The following SLCO6A1 variants were observed in gnomAD, a reference collection of about 807,000 sequenced individuals.
The protein encoded by SLCO6A1 is solute carrier organic anion transporter family member 6A1.
A neutral mutation model predicts 72.7 loss-of-function variants in SLCO6A1; 65 were observed. That is an observed-to-expected ratio of 0.89 (90% CI 0.73 to 1.10). SLCO6A1 has a LOEUF of 1.10. Ranked by LOEUF, SLCO6A1 falls within the 50% of genes least tolerant of loss-of-function variation. SLCO6A1 has a pLI of 0.00. For missense variants in SLCO6A1, 874 were observed against 872.6 expected (o/e 1.00, Z -0.02); for synonymous variants, 314 against 298.2 (o/e 1.05, Z -0.55).
rs141699909 is a variant in SLCO6A1, at chr5:102,444,077, G to A, written c.1132-5316C>T. Among the ~76,000 whole-genome samples, 318 of 152,260 alleles carry A rather than the reference G, an allele frequency of 2.1e-3. 3 individuals carry two copies. The highest frequency in any genetic ancestry group is 7.3e-3 in the African/African-American group (302 of 41,544). Reference sequence around the variant, plus strand: ...AGTTAGGCTAGGTACTCCTACATGTGCTTACTTAGTAAGAGTCTGAAATAA... The same window carrying A: ...AGTTAGGCTAGGTACTCCTACATGTACTTACTTAGTAAGAGTCTGAAATAA... On this transcript the variant is annotated intron_variant, in intron 6 of 13. Coordinates refer to ENST00000506729, the MANE Select transcript of SLCO6A1 (RefSeq NM_173488.5).
intron 7 of SLCO6A1, among the ~76,000 whole-genome samples, chr5:102,425,587 A>C (rs1748848792): frequency 6.6e-6 from 1 of 151,350 alleles, no homozygotes; most frequent in Non-Finnish European, 1.5e-5. Context: ...TTCTTCAAGG[A>C]GAACTACAAA....
chr5:102,398,033 A>G (rs1747193116), intron 10 of SLCO6A1, among the ~76,000 whole-genome samples: 1 of 152,068 alleles, frequency 6.6e-6, no homozygotes, highest in South Asian at 2.1e-4. Context: ...TATTGTACTG[A>G]TCATCTTCAG....
In SLCO6A1 at chr5:102,480,372, T is replaced by A; in HGVS notation, c.421A>T (p.Thr141Ser). 6.2e-7 allele frequency: 1 copy of A among 1,613,494 alleles called. No homozygotes were observed. Among genetic ancestry groups the A allele is most frequent in the Non-Finnish European group, 8.5e-7 (1 of 1,179,712 alleles). The stretch of plus-strand genomic sequence containing the variant: ...TTTTCCAATGCCAACTTCTCAATGG[T>A]TTTCAGTTGATATTCCTTCTGAAAA... ...GDFQKEYQLK[T>S]IEKLALEKSY... Residue 141 changes from threonine to serine, a missense_variant, in exon 2 of 14, where the codon ACC becomes TCC. Thr to Ser is a moderately conservative substitution (Grantham distance 58). Transcript: ENST00000506729.
chr5:102,432,086 C>T (rs535488500), intron 7 of SLCO6A1, among the ~76,000 whole-genome samples: 22 of 151,924 alleles, frequency 1.4e-4, no homozygotes, highest in East Asian at 1.2e-3. Flanking sequence ...AGTTTCCATT[C>T]GCTTGGTAGA....
At chr5:102,422,098 T>C (rs1181142810) in intron 7 of SLCO6A1, among the ~76,000 whole-genome samples, 3 of 152,030 alleles carry the variant, frequency 2.0e-5, no homozygotes, top group Non-Finnish European at 4.4e-5. Context: ...AAGATGCCCA[T>C]GCAAAAACCC....
intron 4 of SLCO6A1, among the ~76,000 whole-genome samples, chr5:102,463,340 A>G (rs1751141217): frequency 6.6e-6 from 1 of 152,220 alleles, no homozygotes; most frequent in African/African-American, 2.4e-5. Context: ...AACTAGTACG[A>G]TCACTATGGA....
chr5:102,454,406 T>C (rs1257670094), intron 6 of SLCO6A1, among the ~76,000 whole-genome samples: 2 of 152,248 alleles, frequency 1.3e-5, no homozygotes, highest in African/African-American at 4.8e-5. Context: ...AGTTTCAAAA[T>C]AGTTGTTGAC....
chr5:102,495,392 G>C (rs893315317), intron 1 of SLCO6A1, among the ~76,000 whole-genome samples: 15 of 152,186 alleles, frequency 9.9e-5, no homozygotes, highest in Middle Eastern at 3.2e-3. Flanking sequence ...TCAGGAGTTT[G>C]AGACCAGCCT....
At chr5:102,409,969 T>C (rs1268050723) in intron 9 of SLCO6A1, among the ~76,000 whole-genome samples, 1 of 152,020 alleles carries the variant, frequency 6.6e-6, no homozygotes, top group Non-Finnish European at 1.5e-5. Context: ...AAAAATAAAA[T>C]GAAGGAGAGG....
At chr5:102,457,247 CA>C (rs1253910136) in intron 6 of SLCO6A1, among the ~76,000 whole-genome samples, 3 of 150,306 alleles carry the variant, frequency 2.0e-5, no homozygotes, top group Non-Finnish European at 4.4e-5. Flanking sequence ...CCAAAATTGA[CA>C]AATGGGATCT....
intron 4 of SLCO6A1, among the ~76,000 whole-genome samples, chr5:102,469,073 T>C (rs1751460953): frequency 6.6e-6 from 1 of 152,184 alleles, no homozygotes; most frequent in South Asian, 2.1e-4. Flanking sequence ...CCTTGTAGTA[T>C]AGTTTGAAGT....
intron 4 of SLCO6A1, among the ~76,000 whole-genome samples, chr5:102,464,416 T>C (rs1751209171): frequency 6.6e-6 from 1 of 151,936 alleles, no homozygotes; most frequent in African/African-American, 2.4e-5. Context: ...TGAACCAATA[T>C]AAAAATAAGA....
intron 5 of SLCO6A1, 145 bp downstream of exon 5, chr5:102,459,511 T>C: frequency 1.1e-6 from 1 of 869,814 alleles, no homozygotes; most frequent in Non-Finnish European, 1.7e-6. Flanking sequence ...ACACTAGCAC[T>C]TGACACTGTA....
chr5:102,399,152 C>T (rs145025638), intron 10 of SLCO6A1, among the ~76,000 whole-genome samples: 252 of 151,990 alleles, frequency 1.7e-3, no homozygotes, highest in African/African-American at 5.7e-3. Context: ...TATTATGCTC[C>T]TTTGTTGATG....
At chr5:102,492,804 G>C (rs1752742904) in intron 1 of SLCO6A1, among the ~76,000 whole-genome samples, 1 of 152,190 alleles carries the variant, frequency 6.6e-6, no homozygotes, top group Non-Finnish European at 1.5e-5. Flanking sequence ...ACAGCAGTCT[G>C]AGATCAAACT....
intron 6 of SLCO6A1, among the ~76,000 whole-genome samples, chr5:102,449,076 A>G (rs1262123703): frequency 6.6e-6 from 1 of 152,092 alleles, no homozygotes; most frequent in African/African-American, 2.4e-5. Context: ...AAATTCCCTT[A>G]GCATTTGCTT....
chr5:102,453,752 C>G (rs139854853), intron 6 of SLCO6A1, among the ~76,000 whole-genome samples: 79 of 152,174 alleles, frequency 5.2e-4, no homozygotes, highest in African/African-American at 1.8e-3. Context: ...CAGGAGTCAC[C>G]CTGGGTCAGC....
intron 10 of SLCO6A1, among the ~76,000 whole-genome samples, chr5:102,392,136 A>G (rs1746797672): frequency 6.6e-6 from 1 of 152,092 alleles, no homozygotes; most frequent in South Asian, 2.1e-4. Context: ...ATAAAAATAC[A>G]GCACATACAC....
intron 7 of SLCO6A1, among the ~76,000 whole-genome samples, chr5:102,425,878 G>T (rs1748864789): frequency 6.6e-6 from 1 of 152,176 alleles, no homozygotes; most frequent in African/African-American, 2.4e-5. Context: ...ATACTACAAG[G>T]CTACAGTAAC....
Sources: gnomAD v4.1 joint callset for allele counts (sites outside exome capture counted in the v4.1 genomes callset) on GRCh38, gnomAD v4.1.1 for gene constraint, MANE v1.5 for transcripts, NCBI Gene and HGNC (gene_info 2026-07-23, HGNC 2026-07-21) for gene names.